DNAJC11: variants seen among roughly 807,000 people sequenced by gnomAD.
DNAJC11 encodes the protein DnaJ heat shock protein family (Hsp40) member C11, also known as dnaJ homolog subfamily C member 11.
Under a neutral mutation model 78.6 loss-of-function variants are expected in DNAJC11, and 15 were observed. That is an observed-to-expected ratio of 0.19 (90% CI 0.13 to 0.29). The LOEUF is 0.29. Ranked by LOEUF, DNAJC11 falls within the 10% of genes least tolerant of loss-of-function variation. The pLI is 1.00. For missense variants in DNAJC11, 547 were observed against 709.6 expected, an observed-to-expected ratio of 0.77 and a Z score of 2.60; for synonymous variants, 292 against 272.1, an observed-to-expected ratio of 1.07 and a Z score of -0.72.
chr1:6,694,242 C>T (rs1642797074), intron 1 of DNAJC11, among the ~76,000 whole-genome samples: 1 of 152,132 alleles, frequency 6.6e-6, no homozygotes, highest in Non-Finnish European at 1.5e-5. Flanking sequence ...CTTTCCCCTC[C>T]CCCTCACCAG....
At position 6,663,168 on chromosome 1, in the gene DNAJC11, G is replaced by A. The variant is rs151201527; in HGVS notation, c.378+4541C>T. Among the ~76,000 whole-genome samples, 30 of 152,286 alleles carry A rather than the reference G, an allele frequency of 2.0e-4. No individual in the cohort carries two copies. In the East Asian group the frequency reaches 5.0e-3, roughly 25 times the overall value. ...GATCAGAGAGGTCTTGCCAAAGAGTGTATATCAACCTCTGTAATAGCAAAA... is the reference window on the plus strand; with the variant it reads ...GATCAGAGAGGTCTTGCCAAAGAGTATATATCAACCTCTGTAATAGCAAAA... On this transcript the variant is annotated intron_variant, in intron 4 of 15. Coordinates refer to ENST00000377577, the MANE Select transcript of DNAJC11 (RefSeq NM_018198.4).
chr1:6,655,034 T>C (rs950334367), intron 4 of DNAJC11, among the ~76,000 whole-genome samples: 4 of 152,176 alleles, frequency 2.6e-5, no homozygotes, highest in African/African-American at 9.7e-5. Flanking sequence ...CTTGACCTCA[T>C]GATCCACTCG....
At chr1:6,667,890 A>G in intron 3 of DNAJC11, 80 bp from the exon 4 acceptor site, 1 of 1,397,188 alleles carries the variant, frequency 7.2e-7, no homozygotes, top group Non-Finnish European at 1.0e-6. Flanking sequence ...GCAGCCATTG[A>G]TTTTGGTGTG....
intron 10 of DNAJC11, among the ~76,000 whole-genome samples, chr1:6,642,656 C>A (rs900846364): frequency 6.6e-6 from 1 of 151,956 alleles, no homozygotes; most frequent in Non-Finnish European, 1.5e-5. Context: ...CCTGGGCAAC[C>A]AAGTGAGACC....
chr1:6,678,428 T>A lies in DNAJC11; in HGVS notation c.242A>T (p.Tyr81Phe). 6.2e-7 allele frequency: 1 copy of A among 1,614,040 alleles called. No homozygotes were observed. Among genetic ancestry groups the A allele is most frequent in the Non-Finnish European group, 8.5e-7 (1 of 1,179,940 alleles). Residue 81 changes from tyrosine to phenylalanine, a missense_variant, in exon 3 of 16, where the codon TAT becomes TTT. Coordinates refer to ENST00000377577, the MANE Select transcript of DNAJC11 (RefSeq NM_018198.4). ...DPQTRAIYDIYGKRGLEMEGW... is the reference protein window; with the variant it reads ...DPQTRAIYDIFGKRGLEMEGW... ...TTCCATTTCCAGTCCTCTCTTCCCA[T>A]ATATATCATAGATGGCCCTGGTTTG...
At chr1:6,686,017 T>C (rs925022744) in intron 1 of DNAJC11, among the ~76,000 whole-genome samples, 1 of 152,242 alleles carries the variant, frequency 6.6e-6, no homozygotes, top group Non-Finnish European at 1.5e-5. Context: ...TATAACCTCA[T>C]TATTGTCCAA....
chr1:6,680,644 G>A lies in DNAJC11; in HGVS notation c.202+264C>T, dbSNP rs971685665. 2.0e-5 allele frequency among the ~76,000 whole-genome samples: 3 copies of A among 152,140 alleles called. No homozygotes were observed. Among genetic ancestry groups the A allele is most frequent in the East Asian group, 3.9e-4 (2 of 5,188 alleles). ...TCCCTTTAGAAGAAAACTGGTAAAC[G>A]ATTTAAAACTTGAGTATTCCCTTGC... On this transcript the variant is annotated intron_variant, in intron 2 of 15. Coordinates refer to ENST00000377577, the MANE Select transcript of DNAJC11 (RefSeq NM_018198.4). The surrounding 1 kb of genome is among the most constrained non-coding windows in gnomAD (Gnocchi z 4.0).
intron 1 of DNAJC11, among the ~76,000 whole-genome samples, chr1:6,688,499 C>T (rs759664119): frequency 7.2e-5 from 11 of 152,092 alleles, no homozygotes; most frequent in Non-Finnish European, 1.3e-4. Flanking sequence ...TAATATGGTC[C>T]GTAGCTCAAA....
intron 7 of DNAJC11, among the ~76,000 whole-genome samples, chr1:6,650,278 A>G (rs1042171420): frequency 6.9e-6 from 1 of 144,140 alleles, no homozygotes; most frequent in Non-Finnish European, 1.5e-5. Context: ...AAAAACATAT[A>G]CTCCAGGCTT....
At chr1:6,677,273 T>C (rs974308019) in intron 3 of DNAJC11, among the ~76,000 whole-genome samples, 1 of 152,106 alleles carries the variant, frequency 6.6e-6, no homozygotes, top group Non-Finnish European at 1.5e-5. Flanking sequence ...TAGCAAAATT[T>C]ATTGGGCATC....
chr1:6,655,914 C>T (rs1312640651), intron 4 of DNAJC11, among the ~76,000 whole-genome samples: 1 of 151,796 alleles, frequency 6.6e-6, no homozygotes, highest in Non-Finnish European at 1.5e-5. Flanking sequence ...CCAACATGAC[C>T]AACATGGTGA....
intron 1 of DNAJC11, among the ~76,000 whole-genome samples, chr1:6,690,029 A>G (rs1642719930): frequency 6.6e-6 from 1 of 152,218 alleles, no homozygotes; most frequent in Non-Finnish European, 1.5e-5. Flanking sequence ...TTTTACAGAT[A>G]AAAATCCCGA....
intron 1 of DNAJC11, among the ~76,000 whole-genome samples, chr1:6,682,030 A>G (rs1008568450): frequency 1.3e-5 from 2 of 152,032 alleles, no homozygotes; most frequent in African/African-American, 4.8e-5. Flanking sequence ...AAATCTGCCA[A>G]CTGAACAGAA....
At chr1:6,697,313 C>T (rs760624322) in intron 1 of DNAJC11, among the ~76,000 whole-genome samples, 7 of 152,202 alleles carry the variant, frequency 4.6e-5, no homozygotes, top group Non-Finnish European at 5.9e-5. Flanking sequence ...TCTCCAACGG[C>T]GGCAACAATG....
rs543541534 is a variant in DNAJC11 at position 6,650,836 on chromosome 1, G to A, written c.704+693C>T. On this transcript the variant is annotated intron_variant, in intron 7 of 15. Transcript: ENST00000377577. The stretch of plus-strand genomic sequence containing the variant: ...TGCAGTGAGCCGAGATCACACCACC[G>A]CACTCCAGGCTGGGCAAGACAGAGC... Among the ~76,000 whole-genome samples the A allele has an allele frequency of 1.1e-4, 17 of 152,236 alleles. No individual in the cohort carries two copies. In the East Asian group the frequency reaches 1.4e-3, roughly 12 times the overall value.
chr1:6,699,944 A>G (rs1324456626), intron 1 of DNAJC11, among the ~76,000 whole-genome samples: 1 of 152,164 alleles, frequency 6.6e-6, no homozygotes, highest in Non-Finnish European at 1.5e-5. Context: ...CAAGCCTCTG[A>G]GCCCAAGCTA....
chr1:6,637,652 T>C lies in DNAJC11; in HGVS notation c.1324-148A>G, dbSNP rs1641802628. ...GGAGTGGGCACCCTGACAGCTCTGCTACCCGAGTGGCTCACTCTGAAACTC... is the reference window on the plus strand; with the variant it reads ...GGAGTGGGCACCCTGACAGCTCTGCCACCCGAGTGGCTCACTCTGAAACTC... On this transcript the variant is annotated intron_variant, in intron 12 of 15. Transcript: ENST00000377577. 6 of 832,660 alleles carry C rather than the reference T, an allele frequency of 7.2e-6. No individual in the cohort carries two copies. The Admixed American group carries it at 1.1e-4, about 15-fold the overall frequency. 51.6% of individuals were successfully genotyped at this position (832,660 alleles called of 1,614,324 possible). A position where few individuals can be genotyped will look rare whatever the true frequency, so the allele number is the denominator to read the frequency against.
Position 6,645,824 on chromosome 1 carries a change from C to T in DNAJC11, c.859G>A (p.Asp287Asn), listed in dbSNP as rs1641956086. ...QSAMNTSIVR[D>N]TKTSHFTVAL... ...ACAGTGAAGTGGCTGGTTTTAGTGT[C>T]TCGGACGATGCTAGTGTTCATGGCT... Residue 287 changes from aspartate (D) to asparagine (N), a missense_variant, in exon 8 of 16, where the codon GAC becomes AAC. Transcript: ENST00000377577. The surrounding 1 kb of genome is among the most constrained non-coding windows in gnomAD (Gnocchi z 4.1). 1.2e-6 allele frequency: 2 copies of T among 1,614,188 alleles called. No individual in the cohort carries two copies. Among genetic ancestry groups the T allele is most frequent in the Non-Finnish European group, 1.7e-6 (2 of 1,180,036 alleles).
chr1:6,680,171 G>C lies in DNAJC11; in HGVS notation c.202+737C>G, dbSNP rs1396655531. On this transcript the variant is annotated intron_variant, in intron 2 of 15. Coordinates refer to ENST00000377577, the MANE Select transcript of DNAJC11 (RefSeq NM_018198.4). The surrounding 1 kb of genome is among the most constrained non-coding windows in gnomAD (Gnocchi z 4.0). ...CTTATTGTAGTTGATGTATATAACA[G>C]TGATTTAACATTTTTTTTAATTTAA... is the stretch of plus-strand genomic sequence containing the variant. Among the ~76,000 whole-genome samples, 2 of 152,148 alleles carry C rather than the reference G, an allele frequency of 1.3e-5. No individual in the cohort carries two copies. The highest frequency in any genetic ancestry group is 4.1e-4 in the South Asian group (2 of 4,834).
Sources: allele counts gnomAD v4.1 joint callset (sites outside exome capture counted in the v4.1 genomes callset), GRCh38; gene constraint gnomAD v4.1.1; non-coding constraint Gnocchi (gnomAD v3.1); transcripts MANE v1.5; gene names NCBI Gene and HGNC (gene_info 2026-07-23, HGNC 2026-07-21).